Variants in CACNG1 observed in about 807,000 individuals in gnomAD.
The protein encoded by CACNG1 is calcium voltage-gated channel auxiliary subunit gamma 1, also known as voltage-dependent calcium channel gamma-1 subunit.
Under a neutral mutation model 22.0 loss-of-function variants are expected in CACNG1, and 21 were observed. That is an observed-to-expected ratio of 0.95 (90% CI 0.68 to 1.37). The LOEUF (loss-of-function observed/expected upper bound fraction) is 1.37, where lower values mean the gene tolerates loss of function less well. Among genes scored for constraint, CACNG1 ranks in the 40% most tolerant of loss-of-function variants. The probability of loss-of-function intolerance (pLI) is 0.00; values close to 1 mark genes in which losing one functional copy is unlikely to be tolerated. For synonymous variants in CACNG1, 127 were observed against 129.2 expected (o/e 0.98, Z 0.12); for missense variants, 291 against 308.6 (o/e 0.94, Z 0.43).
chr17:67,056,063 C>G lies in CACNG1; in HGVS notation c.461C>G (p.Ser154Trp), dbSNP rs866479653. 1 of 1,611,836 alleles carries G rather than the reference C, an allele frequency of 6.2e-7. No homozygotes were observed. The highest frequency in any genetic ancestry group is 8.5e-7 in the Non-Finnish European group (1 of 1,179,916). Residue 154 changes from serine (S) to tryptophan (W), a missense_variant, in exon 4 of 4, where the codon TCG (serine) becomes TGG (tryptophan). Physicochemically the swap from Ser to Trp is radical, Grantham distance 177 (BLOSUM62 -3). Transcript: ENST00000226021. The surrounding 1 kb of genome is among the most constrained non-coding windows in gnomAD (Gnocchi z 4.3). The stretch of plus-strand genomic sequence containing the variant: ...CCCCCAGGTCTCTGCATCCTCGTCT[C>G]GGTGGAGGTCATGCGGCAGTCGGTG... Reference protein sequence around the residue: ...YAFAGLCILVSVEVMRQSVKR... With the variant: ...YAFAGLCILVWVEVMRQSVKR...
Position 67,054,028 on chromosome 17 carries a change from C to G in CACNG1, c.262C>G (p.Pro88Ala), listed in dbSNP as rs1220710232. The change falls in exon 2 of 4, where the codon CCC (proline) becomes GCC (alanine). Residue 88 changes from proline (P) to alanine (A), a missense_variant. By Grantham distance (27) the Pro-to-Ala change is conservative (BLOSUM62 -1). Coordinates refer to ENST00000226021, the MANE Select transcript of CACNG1 (RefSeq NM_000727.4). This position sits in a 1 kb window ranked among gnomAD's most constrained non-coding sequence, Gnocchi z 4.6. ...CTGTTCCTACTTCAGGCATTTTAAC[C>G]CCGGCGAGAGCTCGGAGATCTTCGA... ...KNCSYFRHFN[P>A]GESSEIFEFT... 5 of 1,614,110 alleles carry G rather than the reference C, an allele frequency of 3.1e-6. 1 individual carries two copies. In the South Asian group the frequency reaches 3.3e-5, roughly 11 times the overall value.
At chr17:67,049,388 G>A (rs2035715166) in intron 1 of CACNG1, among the ~76,000 whole-genome samples, 2 of 152,112 alleles carry the variant, frequency 1.3e-5, no homozygotes, top group Non-Finnish European at 2.9e-5. Flanking sequence ...GGTAACACAG[G>A]TGATGAGCAG....
At chr17:67,047,987 G>A (rs1165554735) in intron 1 of CACNG1, among the ~76,000 whole-genome samples, 2 of 152,178 alleles carry the variant, frequency 1.3e-5, no homozygotes, top group Non-Finnish European at 2.9e-5. Flanking sequence ...ACTGGGAGAG[G>A]CATTGTTGCC....
In CACNG1 at chr17:67,056,093, G is replaced by A. The variant is rs140761602; in HGVS notation, c.491G>A (p.Arg164His). ...SVEVMRQSVK[R>H]MIDSEDTVWI... ...GAGGTCATGCGGCAGTCGGTGAAGC[G>A]CATGATTGACAGTGAGGACACCGTC... is the stretch of plus-strand genomic sequence containing the variant. The change falls in exon 4 of 4, where the codon CGC becomes CAC. Residue 164 changes from arginine to histidine, a missense_variant. Arg to His is a conservative substitution (Grantham distance 29). Transcript: ENST00000226021. The surrounding 1 kb of genome is among the most constrained non-coding windows in gnomAD (Gnocchi z 4.3). 6.6e-5 allele frequency: 106 copies of A among 1,613,268 alleles called. 2 individuals carry two copies. The highest frequency in any genetic ancestry group is 5.3e-4 in the African/African-American group (40 of 74,852).
At position 67,054,152 on chromosome 17, in the gene CACNG1, A is replaced by G. The variant is rs565635106; in HGVS notation, c.304+82A>G. 275 of 1,111,330 alleles carry G rather than the reference A, an allele frequency of 2.5e-4. No individual in the cohort carries two copies. In the African/African-American group the frequency reaches 3.8e-3, roughly 15 times the overall value. The allele number at this position is 1,111,330 out of a possible 1,614,324, so 68.8% of individuals were successfully genotyped here. ...CCACTGGGCCAGAAAGTCATTGGCA[A>G]AAGCACTGACTTCCTCACGCCTGAT... is the stretch of plus-strand genomic sequence containing the variant. On this transcript the variant is annotated intron_variant, in intron 2 of 3. Transcript: ENST00000226021. The surrounding 1 kb of genome is among the most constrained non-coding windows in gnomAD (Gnocchi z 4.6).
intron 1 of CACNG1, among the ~76,000 whole-genome samples, chr17:67,052,884 C>T (rs1225617867): frequency 6.6e-6 from 1 of 151,970 alleles, no homozygotes; most frequent in African/African-American, 2.4e-5. Context: ...AAGCAATTCT[C>T]CTGCCTCAGC....
Position 67,056,414 on chromosome 17 carries a change from T to A in CACNG1, c.*143T>A, listed in dbSNP as rs557177020. On this transcript the variant is annotated 3_prime_UTR_variant, in exon 4 of 4. Coordinates refer to ENST00000226021, the MANE Select transcript of CACNG1 (RefSeq NM_000727.4). This position sits in a 1 kb window ranked among gnomAD's most constrained non-coding sequence, Gnocchi z 4.3. ...CCTGCAACAGTCGCAGGCTGCTTCC[T>A]CTCTCTGAGTTCCTCTGGGCTGCCG... is the stretch of plus-strand genomic sequence containing the variant. 56 of 677,202 alleles carry A rather than the reference T, an allele frequency of 8.3e-5. No homozygotes were observed. Among genetic ancestry groups the A allele is most frequent in the Non-Finnish European group, 1.2e-4 (48 of 401,462 alleles). 41.9% of individuals were successfully genotyped at this position (677,202 alleles called of 1,614,324 possible).
At position 67,055,216 on chromosome 17, in the gene CACNG1, G is replaced by C; in HGVS notation, c.418G>C (p.Ala140Pro). ...GKKRDYLLRPASMFYAFAGLC... is the reference protein window; with the variant it reads ...GKKRDYLLRPPSMFYAFAGLC... ...GAAGAGGGACTATCTGCTGCGACCC[G>C]CGTCCATGTTCTATGCCTTTGCAGG... Residue 140 changes from alanine to proline, a missense_variant, in exon 3 of 4, where the codon GCG (alanine) becomes CCG (proline). Ala to Pro is a conservative substitution (Grantham distance 27). Coordinates refer to ENST00000226021, the MANE Select transcript of CACNG1 (RefSeq NM_000727.4). The surrounding 1 kb of genome is among the most constrained non-coding windows in gnomAD (Gnocchi z 4.5). 1.2e-6 allele frequency: 2 copies of C among 1,614,108 alleles called. No homozygotes were observed. Among genetic ancestry groups the C allele is most frequent in the Non-Finnish European group, 1.7e-6 (2 of 1,179,982 alleles).
chr17:67,052,346 T>G (rs2035732609), intron 1 of CACNG1, among the ~76,000 whole-genome samples: 1 of 152,186 alleles, frequency 6.6e-6, no homozygotes, highest in Non-Finnish European at 1.5e-5. Context: ...ATTTGCTTCC[T>G]CAACCTCAGG....
intron 1 of CACNG1, among the ~76,000 whole-genome samples, chr17:67,046,571 G>C (rs1598137832): frequency 6.6e-6 from 1 of 152,204 alleles, no homozygotes; most frequent in African/African-American, 2.4e-5. Flanking sequence ...TGTGCTTGCA[G>C]GGTATCGCAT....
chr17:67,046,106 G>A (rs573781937), intron 1 of CACNG1, among the ~76,000 whole-genome samples: 7 of 152,116 alleles, frequency 4.6e-5, no homozygotes, highest in Middle Eastern at 3.4e-3. Flanking sequence ...GGATCTAATC[G>A]CCATTGCCCA....
intron 1 of CACNG1, among the ~76,000 whole-genome samples, chr17:67,049,290 A>G (rs1314190349): frequency 1.3e-5 from 2 of 152,232 alleles, no homozygotes; most frequent in Non-Finnish European, 2.9e-5. Flanking sequence ...TAATCCTCAC[A>G]GAAACCTCCG....
chr17:67,049,606 A>T (rs1201647762), intron 1 of CACNG1, among the ~76,000 whole-genome samples: 1 of 152,128 alleles, frequency 6.6e-6, no homozygotes, highest in African/African-American at 2.4e-5. Flanking sequence ...TTCTACAGGT[A>T]GGAACAGGGA....
chr17:67,056,272 C>T lies in CACNG1; in HGVS notation c.*1C>T, dbSNP rs1021247429. The T allele has an allele frequency of 3.7e-6, 6 of 1,613,254 alleles. No homozygotes were observed. The highest frequency in any genetic ancestry group is 1.3e-5 in the African/African-American group (1 of 74,898). The stretch of plus-strand genomic sequence containing the variant: ...CATGGATGCTGAGCCCGAGCACTAA[C>T]CCTCCTGCGGCCCTAGCGACCCTCA... On this transcript the variant is annotated 3_prime_UTR_variant, in exon 4 of 4. Transcript: ENST00000226021. This position sits in a 1 kb window ranked among gnomAD's most constrained non-coding sequence, Gnocchi z 4.3.
In CACNG1 at chr17:67,056,249, T is replaced by C. The variant is rs747995880; in HGVS notation, c.647T>C (p.Met216Thr). ...CCCCGGAACCCATGGGAGTCCTGCATGGATGCTGAGCCCGAGCACTAACCC... is the reference window on the plus strand; with the variant it reads ...CCCCGGAACCCATGGGAGTCCTGCACGGATGCTGAGCCCGAGCACTAACCC... The part of the protein sequence containing the change: ...RMPRNPWESC[M>T]DAEPEH The change falls in exon 4 of 4, where the codon ATG becomes ACG. Residue 216 changes from methionine (M) to threonine (T), a missense_variant. Physicochemically the swap from Met to Thr is moderately conservative, Grantham distance 81. Coordinates refer to ENST00000226021, the MANE Select transcript of CACNG1 (RefSeq NM_000727.4). The surrounding 1 kb of genome is among the most constrained non-coding windows in gnomAD (Gnocchi z 4.3). 6.6e-5 allele frequency: 107 copies of C among 1,613,844 alleles called. 1 individual carries two copies. The highest frequency in any genetic ancestry group is 8.3e-5 in the Non-Finnish European group (98 of 1,180,004).
intron 1 of CACNG1, among the ~76,000 whole-genome samples, chr17:67,050,741 G>A (rs569339455): frequency 6.6e-6 from 1 of 152,254 alleles, no homozygotes; most frequent in African/African-American, 2.4e-5. Context: ...ACTACACATG[G>A]TTCTGCACAG....
chr17:67,044,796 T>A lies in CACNG1; in HGVS notation c.136T>A (p.Cys46Ser), dbSNP rs1230687682. The A allele has an allele frequency of 1.2e-6, 2 of 1,613,336 alleles. No homozygotes were observed. The highest frequency in any genetic ancestry group is 1.7e-5 in the Admixed American group (1 of 60,020). Residue 46 changes from cysteine (C) to serine (S), a missense_variant, in exon 1 of 4, where the codon TGC (cysteine) becomes AGC (serine). Transcript: ENST00000226021. This position sits in a 1 kb window ranked among gnomAD's most constrained non-coding sequence, Gnocchi z 6.9. ...CCACATGGAGCACCACAACACTACCTGCGAGGCGGCCCACTTCGGCCTCTG... is the reference window on the plus strand; with the variant it reads ...CCACATGGAGCACCACAACACTACCAGCGAGGCGGCCCACTTCGGCCTCTG... Reference protein sequence around the residue: ...SPHMEHHNTTCEAAHFGLWRI... With the variant: ...SPHMEHHNTTSEAAHFGLWRI...
In CACNG1 at chr17:67,054,751, CATG is replaced by C. The variant is rs558276343; in HGVS notation, c.305-347_305-345del. Among the ~76,000 whole-genome samples the C allele has an allele frequency of 1.8e-3, 275 of 150,966 alleles. 1 individual carries two copies. Among genetic ancestry groups the C allele is most frequent in the Non-Finnish European group, 2.8e-3 (189 of 67,756 alleles). On this transcript the variant is annotated intron_variant, in intron 2 of 3. Transcript: ENST00000226021. The surrounding 1 kb of genome is among the most constrained non-coding windows in gnomAD (Gnocchi z 4.6). ...ACACAGACACACACTGATACACATG[CATG>C]ATGACACACAAAATGACACACAGTG...
At chr17:67,050,744 C>A (rs1391492101) in intron 1 of CACNG1, among the ~76,000 whole-genome samples, 1 of 152,234 alleles carries the variant, frequency 6.6e-6, no homozygotes, top group Non-Finnish European at 1.5e-5. Context: ...ACACATGGTT[C>A]TGCACAGTTA....
Sources: gnomAD v4.1 joint callset for allele counts (sites outside exome capture counted in the v4.1 genomes callset) on GRCh38, gnomAD v4.1.1 for gene constraint, Gnocchi (gnomAD v3.1) non-coding constraint, MANE v1.5 for transcripts, NCBI Gene and HGNC (gene_info 2026-07-23, HGNC 2026-07-21) for gene names.